Variants in CFAP47 observed in about 807,000 individuals in gnomAD.
The protein encoded by CFAP47 is cilia and flagella associated protein 47, also known as cilia- and flagella-associated protein 47.
Under a neutral mutation model 148.1 loss-of-function variants are expected in CFAP47, and 29 were observed. The ratio of observed to expected loss-of-function variants is 0.20; its 90% confidence interval spans 0.15 to 0.27. The LOEUF (loss-of-function observed/expected upper bound fraction) is 0.27, where lower values mean the gene tolerates loss of function less well. Among genes scored for constraint, CFAP47 ranks in the 10% least tolerant of loss-of-function variants. The pLI is 1.00. For missense variants in CFAP47, 1,872 were observed against 1,697.5 expected (o/e 1.10, Z -1.81); for synonymous variants, 664 against 577.3 (o/e 1.15, Z -2.15).
intron 2 of CFAP47, among the ~76,000 whole-genome samples, chrX:35,937,232 G>C (rs1004117448): frequency 7.6e-5 from 8 of 105,597 alleles, no homozygotes; most frequent in African/African-American, 2.8e-4. Flanking sequence ...TAGAAGGAGA[G>C]TGCTTCCCCT....
Position 35,970,803 on chromosome X carries a change from T to C in CFAP47, c.1850T>C (p.Val617Ala). The C allele has an allele frequency of 2.5e-6, 3 of 1,183,549 alleles. No individual in the cohort carries two copies. The highest frequency in any genetic ancestry group is 3.4e-6 in the Non-Finnish European group (3 of 881,517). The change falls in exon 11 of 64, where the codon GTG becomes GCG. Residue 617 changes from valine to alanine, a missense_variant. Transcript: ENST00000378653. ...IFTKVPRFNY[V>A]NHDFAYTTFE... ...ACAAAAGTTCCAAGATTTAACTATG[T>C]GAATCATGATTTTGCATATACTACA...
intron 26 of CFAP47, among the ~76,000 whole-genome samples, chrX:36,050,946 G>A (rs758531790): frequency 1.8e-5 from 2 of 112,414 alleles, no homozygotes; most frequent in Non-Finnish European, 1.9e-5. Flanking sequence ...GGCTTCAGAG[G>A]GTGCAAGTCC....
At chrX:35,959,842 G>T (rs1936297745) in intron 8 of CFAP47, among the ~76,000 whole-genome samples, 1 of 91,762 alleles carries the variant, frequency 1.1e-5, no homozygotes, top group Non-Finnish European at 2.1e-5. Context: ...TCGTGCCACT[G>T]CACTCCAGCC....
intron 48 of CFAP47, among the ~76,000 whole-genome samples, chrX:36,239,333 A>G (rs1348907000): frequency 8.9e-6 from 1 of 112,450 alleles, no homozygotes; most frequent in Non-Finnish European, 1.9e-5. Flanking sequence ...TAAGAAGTAT[A>G]TATTTAAGAA....
rs1437625721 is a variant in CFAP47 at position 36,368,075 on chromosome X, A to G, written c.9185+948A>G. ...AGGCTTTATAGATAGGATAACCACA[A>G]AATTCACTGTCCAAACTTGAACCTT... On this transcript the variant is annotated intron_variant, in intron 62 of 63. Transcript: ENST00000378653. 4 of 111,285 alleles carry G rather than the reference A, an allele frequency of 3.6e-5. No individual in the cohort carries two copies. The Admixed American group carries it at 3.9e-4, about 11-fold the overall frequency. The allele number at this position is 111,285 out of a possible 1,213,427, so 9.2% of individuals were successfully genotyped here. A position where few individuals can be genotyped will look rare whatever the true frequency, so the allele number is the denominator to read the frequency against.
intron 50 of CFAP47, 32 bp downstream of exon 50, chrX:36,280,662 GT>G (rs1189467331): frequency 2.3e-6 from 1 of 442,534 alleles, no homozygotes; most frequent in Middle Eastern, 3.7e-4. Context: ...TTCACTATTA[GT>G]TTGCATAAAT....
At chrX:35,977,190 G>A (rs1391533189) in intron 15 of CFAP47, among the ~76,000 whole-genome samples, 1 of 111,656 alleles carries the variant, frequency 9.0e-6, no homozygotes, top group Non-Finnish European at 1.9e-5. Flanking sequence ...TATAACAGCC[G>A]AAGTCCAATT....
At chrX:36,219,781 CCACCTTTTCG>C (rs1229302041) in intron 45 of CFAP47, among the ~76,000 whole-genome samples, 1 of 111,165 alleles carries the variant, frequency 9.0e-6, no homozygotes, top group Middle Eastern at 4.2e-3. Context: ...CCACCTTTGC[CCACCTTTTCG>C]GACTGAACCA....
intron 25 of CFAP47, among the ~76,000 whole-genome samples, chrX:36,039,543 C>A (rs1324111434): frequency 8.9e-6 from 1 of 112,184 alleles, no homozygotes; most frequent in Non-Finnish European, 1.9e-5. Flanking sequence ...CTTGCAGTTT[C>A]TCTGACTTAG....
intron 26 of CFAP47, among the ~76,000 whole-genome samples, chrX:36,050,109 C>T (rs1937512807): frequency 9.0e-6 from 1 of 111,178 alleles, no homozygotes; most frequent in African/African-American, 3.3e-5. Context: ...ATAAATTGCC[C>T]CATGTTGGTA....
chrX:36,255,841 A>G (rs1940744513), intron 49 of CFAP47, among the ~76,000 whole-genome samples: 1 of 111,647 alleles, frequency 9.0e-6, no homozygotes. Context: ...ATGAAAGCCT[A>G]GTTCTATCTC....
At chrX:35,965,092 A>G (rs753359914) in intron 8 of CFAP47, among the ~76,000 whole-genome samples, 1 of 111,403 alleles carries the variant, frequency 9.0e-6, no homozygotes, top group East Asian at 2.8e-4. Context: ...CTTGGCAACT[A>G]TGGAAATCAT....
At chrX:36,330,651 G>A (rs1350197375) in intron 57 of CFAP47, among the ~76,000 whole-genome samples, 3 of 111,825 alleles carry the variant, frequency 2.7e-5, no homozygotes, top group African/African-American at 6.5e-5. Flanking sequence ...GAAATATCTG[G>A]AACAGTAACC....
chrX:36,124,079 T>A (rs946364914), intron 33 of CFAP47, among the ~76,000 whole-genome samples: 1 of 111,193 alleles, frequency 9.0e-6, no homozygotes, highest in Non-Finnish European at 1.9e-5. Flanking sequence ...CTAGAAGTAG[T>A]GTCCAGGAGC....
At chrX:36,350,842 C>T (rs1941738735) in intron 59 of CFAP47, among the ~76,000 whole-genome samples, 2 of 110,498 alleles carry the variant, frequency 1.8e-5, no homozygotes, top group African/African-American at 6.6e-5. Flanking sequence ...CTTATATAAC[C>T]AGTGATATTT....
chrX:36,384,986 C>T lies in CFAP47; in HGVS notation c.9544C>T (p.Pro3182Ser). 8.6e-7 allele frequency: 1 copy of T among 1,159,837 alleles called. No individual in the cohort carries two copies. The highest frequency in any genetic ancestry group is 1.2e-6 in the Non-Finnish European group (1 of 866,756). Residue 3182 changes from proline (P) to serine (S), a missense_variant, in exon 64 of 64, where the codon CCT (proline) becomes TCT (serine). By Grantham distance (74) the Pro-to-Ser change is moderately conservative (BLOSUM62 -1). Coordinates refer to ENST00000378653, the MANE Select transcript of CFAP47 (RefSeq NM_001304548.2). ...GGTGTCTTCCACCATCAAGGGTGCT[C>T]CTTTGGTGAAGAATCAATAAAATTT... is the stretch of plus-strand genomic sequence containing the variant. ...TGVSSTIKGAPLVKNQ is the reference protein window; with the variant it reads ...TGVSSTIKGASLVKNQ
chrX:36,265,581 C>T (rs1326498985), intron 49 of CFAP47, among the ~76,000 whole-genome samples: 2 of 111,451 alleles, frequency 1.8e-5, no homozygotes, highest in Admixed American at 1.9e-4. Context: ...TTTGTTCCTT[C>T]GGTAAGTAAT....
chrX:36,085,796 A>G, intron 30 of CFAP47, among the ~76,000 whole-genome samples: 1 of 109,939 alleles, frequency 9.1e-6, no homozygotes, highest in East Asian at 2.8e-4. Context: ...TGGATTTTTA[A>G]GGCAATCATT....
rs782499599 is a variant in CFAP47, at chrX:36,234,850, G to A, written c.7015-1084G>A. Reference sequence around the variant, plus strand: ...CTTCTAAGAGACAGGAGCCTCAGCTGCAGGTCTGTTGGAGTTTGCTAGAGG... The same window carrying A: ...CTTCTAAGAGACAGGAGCCTCAGCTACAGGTCTGTTGGAGTTTGCTAGAGG... On this transcript the variant is annotated intron_variant, in intron 46 of 63. Transcript: ENST00000378653. 1.2e-3 allele frequency among the ~76,000 whole-genome samples: 130 copies of A among 112,031 alleles called. 1 individual carries two copies. The highest frequency in any genetic ancestry group is 3.7e-3 in the African/African-American group (113 of 30,814).
Sources: gnomAD v4.1 joint callset for allele counts (sites outside exome capture counted in the v4.1 genomes callset) on GRCh38, gnomAD v4.1.1 for gene constraint, MANE v1.5 for transcripts, NCBI Gene and HGNC (gene_info 2026-07-23, HGNC 2026-07-21) for gene names.